Variants in ZMYND8 observed in about 807,000 individuals in gnomAD.
ZMYND8 encodes the protein zinc finger MYND-type containing 8, also known as MYND-type zinc finger-containing chromatin reader ZMYND8.
ZMYND8 carries 37 observed loss-of-function variants against 140.8 expected under a neutral mutation model. That is an observed-to-expected ratio of 0.26 (90% CI 0.20 to 0.35). ZMYND8 has a LOEUF of 0.35. ZMYND8 is among the 10% of genes least tolerant of loss of function. The pLI, the probability that ZMYND8 is intolerant of heterozygous loss-of-function variation, is 1.00. For synonymous variants in ZMYND8, 592 were observed against 597.1 expected, an observed-to-expected ratio of 0.99 and a Z score of 0.12; for missense variants, 1,068 against 1,570.0, an observed-to-expected ratio of 0.68 and a Z score of 5.40.
At chr20:47,347,590 C>A (rs1174350100) in intron 2 of ZMYND8, among the ~76,000 whole-genome samples, 1 of 152,142 alleles carries the variant, frequency 6.6e-6, no homozygotes, top group Non-Finnish European at 1.5e-5. Context: ...AGTCACCCTG[C>A]GGAGAGGTAG....
At chr20:47,290,589 T>G (rs932407793) in intron 6 of ZMYND8, among the ~76,000 whole-genome samples, 2 of 142,050 alleles carry the variant, frequency 1.4e-5, no homozygotes, top group African/African-American at 5.3e-5. Context: ...TTTAGTTTTT[T>G]TTTTTTTTTT....
intron 18 of ZMYND8, 89 bp downstream of exon 18, chr20:47,227,114 T>C (rs1213488697): frequency 4.5e-6 from 6 of 1,333,214 alleles, no homozygotes; most frequent in Admixed American, 1.7e-5. Context: ...CTAGCTTTAA[T>C]TGCACTCACA....
intron 1 of ZMYND8, among the ~76,000 whole-genome samples, chr20:47,351,498 C>T (rs891040087): frequency 3.3e-5 from 5 of 152,288 alleles, no homozygotes; most frequent in African/African-American, 1.2e-4. Flanking sequence ...TTCGAAAGGA[C>T]TTTTCCTGGT....
At chr20:47,297,480 G>A (rs1486346454) in intron 4 of ZMYND8, among the ~76,000 whole-genome samples, 2 of 151,746 alleles carry the variant, frequency 1.3e-5, no homozygotes, top group Non-Finnish European at 2.9e-5. Flanking sequence ...AGAATACAGT[G>A]GCATGATTAC....
chr20:47,227,555 T>C (rs184963086), intron 17 of ZMYND8, among the ~76,000 whole-genome samples: 2 of 152,272 alleles, frequency 1.3e-5, no homozygotes, highest in Non-Finnish European at 1.5e-5. Flanking sequence ...ATATAAATAA[T>C]ATATTAAGGG....
At chr20:47,219,171 C>T (rs2036575339) in intron 21 of ZMYND8, among the ~76,000 whole-genome samples, 1 of 150,462 alleles carries the variant, frequency 6.6e-6, no homozygotes, top group Non-Finnish European at 1.5e-5. Context: ...GATTCTCCTG[C>T]CTCAGCCTCC....
chr20:47,224,195 A>T (rs970877772), intron 19 of ZMYND8, 122 bp downstream of exon 19: 3 of 1,480,092 alleles, frequency 2.0e-6, no homozygotes, highest in Non-Finnish European at 2.7e-6. Context: ...TTTTTGAGTG[A>T]AAGTGTCCAG....
At position 47,298,162 on chromosome 20, in the gene ZMYND8, G is replaced by T; in HGVS notation, c.453+567C>A. ...CATTATATGGAACTTTATTTATTTT[G>T]GTTTTTGTCCTTTTCTGCTGGAAAA... On this transcript the variant is annotated intron_variant, in intron 4 of 22. Transcript: ENST00000471951. The surrounding 1 kb of genome is among the most constrained non-coding windows in gnomAD (Gnocchi z 5.0). 2 of 593,948 alleles carry T rather than the reference G, an allele frequency of 3.4e-6. No individual in the cohort carries two copies. The highest frequency in any genetic ancestry group is 4.2e-6 in the Non-Finnish European group (2 of 472,792). The allele number at this position is 593,948 out of a possible 1,614,324, so 36.8% of individuals were successfully genotyped here.
At chr20:47,285,338 CGAGT>C (rs2076854332) in intron 8 of ZMYND8, among the ~76,000 whole-genome samples, 1 of 152,182 alleles carries the variant, frequency 6.6e-6, no homozygotes. Flanking sequence ...CACAGGTCAG[CGAGT>C]AAGTAAGCGA....
intron 11 of ZMYND8, among the ~76,000 whole-genome samples, chr20:47,266,839 G>A (rs1489927222): frequency 6.6e-6 from 1 of 151,660 alleles, no homozygotes; most frequent in Non-Finnish European, 1.5e-5. Flanking sequence ...GTGGTGTGTG[G>A]TGTGTATAGA....
rs1179245020 is a variant in ZMYND8 at position 47,236,536 on chromosome 20, T to G, written c.2666-20A>C. On this transcript the variant is annotated intron_variant, in intron 15 of 22. Coordinates refer to ENST00000471951, the MANE Select transcript of ZMYND8 (RefSeq NM_001281775.3). Reference sequence around the variant, plus strand: ...GGACAGCTAGGAAGGCAAAGCATCCTGATTACCCCACGTGGGAAGGACCCA... The same window carrying G: ...GGACAGCTAGGAAGGCAAAGCATCCGGATTACCCCACGTGGGAAGGACCCA... 1 of 1,539,808 alleles carries G rather than the reference T, an allele frequency of 6.5e-7. No individual in the cohort carries two copies. Among genetic ancestry groups the G allele is most frequent in the African/African-American group, 1.4e-5 (1 of 72,636 alleles).
chr20:47,216,190 CTT>C (rs532458534), intron 21 of ZMYND8, among the ~76,000 whole-genome samples: 130 of 152,232 alleles, frequency 8.5e-4, no homozygotes, highest in Middle Eastern at 3.4e-3. Flanking sequence ...AAACAAAAAA[CTT>C]GGGTCACAAC....
At position 47,221,371 on chromosome 20, in the gene ZMYND8, C is replaced by T. The variant is rs1248761291; in HGVS notation, c.3360G>A (p.Thr1120=). The change falls in exon 20 of 23, where the codon ACG becomes ACA. Residue 1120 remains threonine (T), a synonymous_variant. Transcript: ENST00000471951. Reference sequence around the variant, plus strand: ...TCTCCTTCTCTTTGGAGGCGCTGGCCGTTTCTGAAGGTGCTGATTGTGTGC... The same window carrying T: ...TCTCCTTCTCTTTGGAGGCGCTGGCTGTTTCTGAAGGTGCTGATTGTGTGC... The part of the protein sequence containing the change: ...SSSTQSAPSE[T]ASASKEKETS... 14 of 1,614,084 alleles carry T rather than the reference C, an allele frequency of 8.7e-6. No homozygotes were observed. Among genetic ancestry groups the T allele is most frequent in the African/African-American group, 1.3e-5 (1 of 74,928 alleles).
chr20:47,319,070 A>C lies in ZMYND8; in HGVS notation c.86-8866T>G, dbSNP rs756845508. The C allele has an allele frequency of 2.3e-6, 3 of 1,332,986 alleles. No individual in the cohort carries two copies. In the South Asian group the frequency reaches 3.5e-5, roughly 16 times the overall value. 82.6% of individuals were successfully genotyped at this position (1,332,986 alleles called of 1,614,324 possible). ...ATCCTCAGCGGCCTCTCCCAGGGGG[A>C]GGAGGAAGAAGCAAAGAGAACAGGC... On this transcript the variant is annotated intron_variant, in intron 2 of 22. Transcript: ENST00000471951.
At chr20:47,214,311 G>C (rs911815671) in intron 21 of ZMYND8, among the ~76,000 whole-genome samples, 1 of 152,232 alleles carries the variant, frequency 6.6e-6, no homozygotes, top group Admixed American at 6.5e-5. Flanking sequence ...TGAGAAGACT[G>C]ACGGCTGCAT....
intron 2 of ZMYND8, among the ~76,000 whole-genome samples, chr20:47,325,846 T>C (rs1482384841): frequency 6.6e-6 from 1 of 152,024 alleles, no homozygotes; most frequent in African/African-American, 2.4e-5. Flanking sequence ...TGGAGTGCAA[T>C]GGCACAATCT....
chr20:47,263,748 A>G (rs916659810), intron 11 of ZMYND8, among the ~76,000 whole-genome samples: 13 of 152,174 alleles, frequency 8.5e-5, no homozygotes, highest in African/African-American at 3.1e-4. Flanking sequence ...GACACTAATA[A>G]TATGATACAA....
At chr20:47,290,583 G>GTTTTTTTTTTTTT (rs71183240) in intron 6 of ZMYND8, among the ~76,000 whole-genome samples, 33 of 64,076 alleles carry the variant, frequency 5.2e-4, no homozygotes, top group East Asian at 1.5e-3. Context: ...TATTTATTTA[G>GTTTTTTTTTTTTT]TTTTTTTTTT....
At chr20:47,356,445 C>T in intron 1 of ZMYND8, 1 of 1,545,090 alleles carries the variant, frequency 6.5e-7, no homozygotes, top group Non-Finnish European at 8.7e-7. Flanking sequence ...GTGCCAGGCC[C>T]TTGCCAGTTT....
Sources: gnomAD v4.1 joint callset for allele counts (sites outside exome capture counted in the v4.1 genomes callset) on GRCh38, gnomAD v4.1.1 for gene constraint, Gnocchi (gnomAD v3.1) non-coding constraint, MANE v1.5 for transcripts, NCBI Gene and HGNC (gene_info 2026-07-23, HGNC 2026-07-21) for gene names.